Variants in NOL4 observed in about 807,000 individuals in gnomAD.
NOL4 encodes the protein nucleolar protein 4.
NOL4 carries 17 observed loss-of-function variants against 75.9 expected under a neutral mutation model. The observed-to-expected ratio is 0.22, with a 90% CI of 0.15 to 0.34. The LOEUF (loss-of-function observed/expected upper bound fraction) is 0.34. Ranked by LOEUF, NOL4 falls within the 10% of genes least tolerant of loss-of-function variation. The pLI is 1.00. For missense variants in NOL4, 614 were observed against 793.5 expected (o/e 0.77, Z 2.72); for synonymous variants, 292 against 289.9 (o/e 1.01, Z -0.07).
At chr18:33,865,982 A>T (rs2063411647) in intron 10 of NOL4, among the ~76,000 whole-genome samples, 1 of 152,170 alleles carries the variant, frequency 6.6e-6, no homozygotes, top group African/African-American at 2.4e-5. Context: ...AAAAAGCAAG[A>T]AATGTATCAC....
intron 10 of NOL4, among the ~76,000 whole-genome samples, chr18:33,865,063 C>G (rs2063367441): frequency 6.6e-6 from 1 of 152,146 alleles, no homozygotes; most frequent in Non-Finnish European, 1.5e-5. Flanking sequence ...GGTGGGGAAA[C>G]AGAGCCAAAT....
At chr18:33,854,863 G>A (rs1380910114) in intron 10 of NOL4, among the ~76,000 whole-genome samples, 1 of 151,782 alleles carries the variant, frequency 6.6e-6, no homozygotes, top group Admixed American at 6.6e-5. Flanking sequence ...CTAAAGTGAG[G>A]GAGATTGATT....
chr18:34,032,243 G>A (rs531405283), intron 5 of NOL4, among the ~76,000 whole-genome samples: 1 of 152,302 alleles, frequency 6.6e-6, no homozygotes, highest in East Asian at 1.9e-4. Context: ...GCCACGGAAG[G>A]TAGCACCACC....
chr18:33,923,321 T>C (rs1230178341), intron 9 of NOL4, among the ~76,000 whole-genome samples: 1 of 151,984 alleles, frequency 6.6e-6, no homozygotes, highest in African/African-American at 2.4e-5. Flanking sequence ...AAAACTTTTA[T>C]CCTTTTTGTG....
intron 5 of NOL4, among the ~76,000 whole-genome samples, chr18:34,084,394 C>T (rs527587416): frequency 9.2e-5 from 14 of 152,250 alleles, no homozygotes; most frequent in Admixed American, 2.6e-4. Flanking sequence ...GGAGGCCCCG[C>T]CCGTCGAGGA....
chr18:33,988,054 C>G (rs2146072328), intron 6 of NOL4, among the ~76,000 whole-genome samples: 1 of 152,162 alleles, frequency 6.6e-6, no homozygotes, highest in African/African-American at 2.4e-5. Context: ...GGGGGAAGGG[C>G]TCACTTAGCA....
intron 6 of NOL4, among the ~76,000 whole-genome samples, chr18:33,983,372 T>C (rs1482732635): frequency 6.6e-6 from 1 of 151,430 alleles, no homozygotes; most frequent in East Asian, 1.9e-4. Context: ...TCACTGATTA[T>C]AACAAATGTA....
At chr18:34,065,201 A>G (rs2077223088) in intron 5 of NOL4, among the ~76,000 whole-genome samples, 1 of 151,898 alleles carries the variant, frequency 6.6e-6, no homozygotes, top group Non-Finnish European at 1.5e-5. Flanking sequence ...TTGAAAGAGA[A>G]TACACACATA....
intron 10 of NOL4, among the ~76,000 whole-genome samples, chr18:33,880,913 A>G (rs2064226613): frequency 1.3e-5 from 2 of 152,016 alleles, no homozygotes; most frequent in South Asian, 2.1e-4. Context: ...CCATGTAGAG[A>G]GACAATCATT....
chr18:34,190,111 T>G (rs2034806300), intron 1 of NOL4, among the ~76,000 whole-genome samples: 1 of 151,526 alleles, frequency 6.6e-6, no homozygotes, highest in Non-Finnish European at 1.5e-5. Flanking sequence ...TTAGATCTTT[T>G]GCATATAGAT....
intron 5 of NOL4, among the ~76,000 whole-genome samples, chr18:34,053,290 G>A (rs1172627159): frequency 2.6e-5 from 4 of 151,740 alleles, no homozygotes. Context: ...AAAGACAAAT[G>A]AGACAAACAG....
At chr18:34,089,970 A>G (rs2078435240) in intron 5 of NOL4, among the ~76,000 whole-genome samples, 1 of 152,104 alleles carries the variant, frequency 6.6e-6, no homozygotes, top group East Asian at 1.9e-4. Context: ...CACACCCCTA[A>G]TATAGGAAGC....
At chr18:34,163,379 C>T (rs1408770607) in intron 1 of NOL4, among the ~76,000 whole-genome samples, 1 of 151,574 alleles carries the variant, frequency 6.6e-6, no homozygotes, top group Admixed American at 6.6e-5. Flanking sequence ...AGCTGATAGG[C>T]AATTTCAGCA....
At chr18:34,025,726 G>A (rs762724676) in intron 5 of NOL4, among the ~76,000 whole-genome samples, 7 of 152,136 alleles carry the variant, frequency 4.6e-5, no homozygotes, top group African/African-American at 7.2e-5. Context: ...ATTGCAGAAT[G>A]AAAGGCTTTT....
chr18:34,019,410 C>T lies in NOL4; in HGVS notation c.964G>A (p.Asp322Asn). The T allele has an allele frequency of 6.2e-7, 1 of 1,613,952 alleles. No homozygotes were observed. The highest frequency in any genetic ancestry group is 8.5e-7 in the Non-Finnish European group (1 of 1,179,970). Reference sequence around the variant, plus strand: ...TTTTTCCCATTACTGTTGTGATCATCTATTCTGTATTCCGAAGTTAGCTGC... The same window carrying T: ...TTTTTCCCATTACTGTTGTGATCATTTATTCTGTATTCCGAAGTTAGCTGC... ...SAQLTSEYRI[D>N]DHNSNGKNKY... The change falls in exon 6 of 11, where the codon GAT becomes AAT. Residue 322 changes from aspartate (D) to asparagine (N), a missense_variant. Transcript: ENST00000261592.
intron 1 of NOL4, among the ~76,000 whole-genome samples, chr18:34,181,520 TTAAAATATGACATATACAGTA>T (rs2034030934): frequency 6.6e-6 from 1 of 151,512 alleles, no homozygotes; most frequent in African/African-American, 2.4e-5. Context: ...GTAACAGTTT[TTAAAATATGACATATACAGTA>T]TAAGCAGCCA....
Position 33,957,433 on chromosome 18 carries a change from T to C in NOL4, c.1321A>G (p.Ile441Val), listed in dbSNP as rs903334329. The C allele has an allele frequency of 6.2e-7, 1 of 1,613,736 alleles. No individual in the cohort carries two copies. Residue 441 changes from isoleucine (I) to valine (V), a missense_variant, in exon 8 of 11, where the codon ATT (isoleucine) becomes GTT (valine). By Grantham distance (29) the Ile-to-Val change is conservative (BLOSUM62 3). Coordinates refer to ENST00000261592, the MANE Select transcript of NOL4 (RefSeq NM_003787.5). ...KQPKEKIQAI[I>V]DSCRRQFPEY... is the part of the protein sequence containing the mutation. ...GGGAATTGTCGCCTGCATGAGTCAA[T>C]GATAGCCTGGATCTTTTCTTTGGGC...
intron 6 of NOL4, among the ~76,000 whole-genome samples, chr18:34,003,049 C>CAA (rs1352095588): frequency 3.3e-5 from 5 of 152,058 alleles, no homozygotes; most frequent in Non-Finnish European, 7.4e-5. Flanking sequence ...TGTGTCCTTG[C>CAA]ATAATAATTG....
intron 1 of NOL4, among the ~76,000 whole-genome samples, chr18:34,169,206 C>A (rs903964927): frequency 1.3e-5 from 2 of 151,684 alleles, no homozygotes; most frequent in Non-Finnish European, 2.9e-5. Context: ...TAATTGATAT[C>A]TGAACAAAAT....
Sources: allele counts gnomAD v4.1 joint callset (sites outside exome capture counted in the v4.1 genomes callset), GRCh38; gene constraint gnomAD v4.1.1; transcripts MANE v1.5; gene names NCBI Gene and HGNC (gene_info 2026-07-23, HGNC 2026-07-21).